Variants in AGBL4 observed in about 807,000 individuals in gnomAD.
The protein encoded by AGBL4 is AGBL carboxypeptidase 4, also known as cytosolic carboxypeptidase 6.
Under a neutral mutation model 66.4 loss-of-function variants are expected in AGBL4, and 58 were observed. The observed-to-expected ratio is 0.87, with a 90% confidence interval of 0.71 to 1.09. The LOEUF (loss-of-function observed/expected upper bound fraction) is 1.09. AGBL4 is among the 50% of genes least tolerant of loss of function. The probability of loss-of-function intolerance (pLI) is 0.00; values close to 1 mark genes in which losing one functional copy is unlikely to be tolerated. For missense variants in AGBL4, 579 were observed against 631.0 expected, an observed-to-expected ratio of 0.92 and a Z score of 0.88; for synonymous variants, 234 against 222.9, an observed-to-expected ratio of 1.05 and a Z score of -0.44.
chr1:49,317,588 T>C (rs1428668471), intron 3 of AGBL4, among the ~76,000 whole-genome samples: 8 of 151,806 alleles, frequency 5.3e-5, no homozygotes, highest in African/African-American at 1.9e-4. Flanking sequence ...AATTATACAA[T>C]GAAACAATCA....
chr1:48,574,479 C>T (rs555223000), intron 11 of AGBL4, among the ~76,000 whole-genome samples: 8 of 152,106 alleles, frequency 5.3e-5, no homozygotes, highest in African/African-American at 1.9e-4. Context: ...CAGGTCTTGG[C>T]ATTCTGCAGG....
chr1:50,009,577 C>A (rs1661377608), intron 1 of AGBL4, among the ~76,000 whole-genome samples: 1 of 150,978 alleles, frequency 6.6e-6, no homozygotes, highest in Non-Finnish European at 1.5e-5. Context: ...TAGGGAAAAA[C>A]TGAAGGCCTG....
chr1:48,588,015 T>C (rs1211501069), intron 10 of AGBL4, among the ~76,000 whole-genome samples: 1 of 152,188 alleles, frequency 6.6e-6, no homozygotes, highest in Non-Finnish European at 1.5e-5. Flanking sequence ...TTGTTTCCCA[T>C]GCAGTATCTC....
intron 3 of AGBL4, among the ~76,000 whole-genome samples, chr1:49,665,051 A>G (rs72901888): frequency 0.073 from 11,163 of 152,206 alleles, 1,300 homozygotes; most frequent in African/African-American, 0.25. Flanking sequence ...AATGAATATT[A>G]AGAAATTTTT....
chr1:49,948,061 T>A (rs1269918381), intron 1 of AGBL4, among the ~76,000 whole-genome samples: 11 of 77,260 alleles, frequency 1.4e-4, no homozygotes, highest in Admixed American at 7.8e-4. Flanking sequence ...AATATATATA[T>A]GTAAATATAT....
In AGBL4 at chr1:49,714,423, T is replaced by G. The variant is rs549625746; in HGVS notation, c.158-16986A>C. Among the ~76,000 whole-genome samples, 3 of 152,030 alleles carry G rather than the reference T, an allele frequency of 2.0e-5. No individual in the cohort carries two copies. The South Asian group carries it at 6.2e-4, about 32-fold the overall frequency. On this transcript the variant is annotated intron_variant, in intron 2 of 13. Transcript: ENST00000371839. ...ATTGGAGAATGTCCATGTATACACATTATTTAGCTCCTACTTATAAATGAA... is the reference window on the plus strand; with the variant it reads ...ATTGGAGAATGTCCATGTATACACAGTATTTAGCTCCTACTTATAAATGAA...
intron 5 of AGBL4, among the ~76,000 whole-genome samples, chr1:48,957,622 G>A (rs1024432631): frequency 5.9e-5 from 9 of 152,096 alleles, no homozygotes; most frequent in African/African-American, 1.7e-4. Context: ...CTTTCTGTGC[G>A]TTATCCACAA....
intron 5 of AGBL4, among the ~76,000 whole-genome samples, chr1:48,925,596 A>G (rs1167948352): frequency 6.6e-6 from 1 of 152,086 alleles, no homozygotes; most frequent in Non-Finnish European, 1.5e-5. Context: ...TCTTCTTCCA[A>G]TGTGGCCCAG....
chr1:49,945,991 G>A (rs1368482063), intron 1 of AGBL4, among the ~76,000 whole-genome samples: 1 of 151,970 alleles, frequency 6.6e-6, no homozygotes, highest in Admixed American at 6.6e-5. Flanking sequence ...AAAAGGCCTT[G>A]TCCAACAGGA....
chr1:49,407,785 C>G (rs1645235148), intron 3 of AGBL4, among the ~76,000 whole-genome samples: 1 of 152,106 alleles, frequency 6.6e-6, no homozygotes, highest in Non-Finnish European at 1.5e-5. Flanking sequence ...AAGAAAAGAT[C>G]CTAACTGCCT....
rs1425206934 is a variant in AGBL4, at chr1:49,950,018, ATATGTGTG to A, written c.34+73737_34+73744del. Among the ~76,000 whole-genome samples, 48 of 17,170 alleles carry A rather than the reference ATATGTGTG, an allele frequency of 2.8e-3. 1 individual carries two copies. The South Asian group carries it at 0.22, about 78-fold the overall frequency. The allele number at this position is 17,170 out of a possible 152,430, so 11.3% of individuals were successfully genotyped here. A position where few individuals can be genotyped will look rare whatever the true frequency, so the allele number is the denominator to read the frequency against. Reference sequence around the variant, plus strand: ...TATGTGTATATATATATACACACACATATGTGTGTGTGTGTATATATATACACATATGT... The same window carrying A: ...TATGTGTATATATATATACACACACATGTGTGTATATATATACACATATGT... On this transcript the variant is annotated intron_variant, in intron 1 of 13. Transcript: ENST00000371839.
At chr1:49,744,648 GA>G (rs1558214841) in intron 2 of AGBL4, among the ~76,000 whole-genome samples, 1 of 151,902 alleles carries the variant, frequency 6.6e-6, no homozygotes, top group Non-Finnish European at 1.5e-5. Flanking sequence ...GATATAATAT[GA>G]AAAAAGTATA....
At chr1:49,091,236 G>T (rs1392533332) in intron 4 of AGBL4, among the ~76,000 whole-genome samples, 1 of 152,028 alleles carries the variant, frequency 6.6e-6, no homozygotes, top group Non-Finnish European at 1.5e-5. Context: ...ATTGACAAAT[G>T]GGAACAAATT....
chr1:48,621,821 A>AT (rs879342417), intron 9 of AGBL4, among the ~76,000 whole-genome samples: 1,532 of 144,804 alleles, frequency 0.011, 22 homozygotes, highest in African/African-American at 0.033. Flanking sequence ...TTCTGTGGCC[A>AT]TTTTTTTTTT....
At chr1:49,086,015 G>A (rs1459167664) in intron 4 of AGBL4, among the ~76,000 whole-genome samples, 1 of 152,152 alleles carries the variant, frequency 6.6e-6, no homozygotes, top group Admixed American at 6.5e-5. Context: ...AAGGTTTGGT[G>A]CCAGCCTCCA....
downstream of AGBL4, among the ~76,000 whole-genome samples, chr1:48,531,574 A>G (rs942034325): frequency 2.6e-5 from 4 of 152,166 alleles, no homozygotes; most frequent in African/African-American, 4.8e-5. Flanking sequence ...GGTTTTCCTC[A>G]TCCTGAGCAG....
At chr1:49,898,503 A>G (rs1452635293) in intron 1 of AGBL4, among the ~76,000 whole-genome samples, 1 of 152,112 alleles carries the variant, frequency 6.6e-6, no homozygotes, top group Non-Finnish European at 1.5e-5. Flanking sequence ...GAACCCTCAT[A>G]TTCTGTTGGT....
intron 11 of AGBL4, among the ~76,000 whole-genome samples, chr1:48,551,514 C>T (rs1280798269): frequency 6.6e-6 from 1 of 151,830 alleles, no homozygotes; most frequent in Non-Finnish European, 1.5e-5. Context: ...ACATTTGTTT[C>T]CAGAGTTATT....
intron 3 of AGBL4, among the ~76,000 whole-genome samples, chr1:49,319,666 T>C (rs1468651858): frequency 6.6e-6 from 1 of 152,214 alleles, no homozygotes; most frequent in Non-Finnish European, 1.5e-5. Flanking sequence ...GTCTGTTTTA[T>C]ACTGCTATAA....
Sources: allele counts gnomAD v4.1 joint callset (sites outside exome capture counted in the v4.1 genomes callset), GRCh38; gene constraint gnomAD v4.1.1; transcripts MANE v1.5; gene names NCBI Gene and HGNC (gene_info 2026-07-23, HGNC 2026-07-21).